Variants in ADAM19 observed in about 807,000 individuals in gnomAD.
ADAM19 encodes ADAM metallopeptidase domain 19.
In ADAM19, 65 loss-of-function variants were observed where a neutral mutation model predicts 114.7. That is an observed-to-expected ratio of 0.57 (90% CI 0.46 to 0.70). The LOEUF (loss-of-function observed/expected upper bound fraction) is 0.70. Ranked by LOEUF, ADAM19 falls within the 30% of genes least tolerant of loss-of-function variation. ADAM19 has a pLI of 0.00. For missense variants in ADAM19, 1,063 were observed against 1,204.7 expected (o/e 0.88, Z 1.74); for synonymous variants, 466 against 460.5 (o/e 1.01, Z -0.15).
At position 157,518,869 on chromosome 5, in the gene ADAM19, T is replaced by C. The variant is rs778449453; in HGVS notation, c.620A>G (p.Asn207Ser). Reference sequence around the variant, plus strand: ...GTAAAGCTCCACATACTTCATGGAGTTTAAATCTTCCCTTTTCATCTAAGA... The same window carrying C: ...GTAAAGCTCCACATACTTCATGGAGCTTAAATCTTCCCTTTTCATCTAAGA... ...RPRRMKREDL[N>S]SMKYVELYLV... The change falls in exon 7 of 23, where the codon AAC becomes AGC. Residue 207 changes from asparagine (N) to serine (S), a missense_variant. Asn to Ser is a conservative substitution (Grantham distance 46). Transcript: ENST00000257527. The C allele has an allele frequency of 1.9e-6, 3 of 1,613,916 alleles. 1 individual carries two copies. In the South Asian group the frequency reaches 3.3e-5, roughly 18 times the overall value.
Position 157,502,890 on chromosome 5 carries a change from C to T in ADAM19, c.1221G>A (p.Met407Ile). ...QSGGGMCLSN[M>I]PDTRMLYGGR... ...CTCCATACAACATCCTGGTGTCTGG[C>T]ATGTTGGAGAGACACATTCCACCAC... The change falls in exon 12 of 23, where the codon ATG (methionine) becomes ATA (isoleucine). Residue 407 changes from methionine (M) to isoleucine (I), a missense_variant. Transcript: ENST00000257527. The T allele has an allele frequency of 3.1e-6, 5 of 1,614,178 alleles. No individual in the cohort carries two copies. Among genetic ancestry groups the T allele is most frequent in the Non-Finnish European group, 4.2e-6 (5 of 1,180,016 alleles).
At chr5:157,481,060 C>T in intron 22 of ADAM19, 58 bp from the exon 23 acceptor site, 1 of 1,610,776 alleles carries the variant, frequency 6.2e-7, no homozygotes, top group Non-Finnish European at 8.5e-7. Flanking sequence ...TCAATGGGAT[C>T]AAGGGGGCAG....
intron 2 of ADAM19, among the ~76,000 whole-genome samples, chr5:157,567,457 C>T (rs1198295542): frequency 6.6e-6 from 1 of 152,160 alleles, no homozygotes; most frequent in African/African-American, 2.4e-5. Context: ...GTGCCCTGCC[C>T]AATCACACTG....
In ADAM19 at chr5:157,494,767, G is replaced by A. The variant is rs1300094009; in HGVS notation, c.1623C>T (p.Phe541=). 7.4e-6 allele frequency: 12 copies of A among 1,613,686 alleles called. No homozygotes were observed. The highest frequency in any genetic ancestry group is 2.2e-5 in the South Asian group (2 of 91,070). The change falls in exon 15 of 23, where the codon TTC becomes TTT. Residue 541 remains phenylalanine, a synonymous_variant. Coordinates refer to ENST00000257527, the MANE Select transcript of ADAM19 (RefSeq NM_033274.5). ...TGTCTCCTGCCACATTCACCTTCTC[G>A]AAGCAGAGGTCAGGGGCAGGTCGGG... is the stretch of plus-strand genomic sequence containing the variant. The part of the protein sequence containing the change: ...PGARPAPDLC[F]EKVNVAGDTF...
Position 157,527,716 on chromosome 5 carries a change from A to G in ADAM19, c.407+3091T>C, listed in dbSNP as rs142230453. Reference sequence around the variant, plus strand: ...TATCTACGTTCTTTTTTCACAAGGAATATTCCTAAAAGGATATACAAGAAA... The same window carrying G: ...TATCTACGTTCTTTTTTCACAAGGAGTATTCCTAAAAGGATATACAAGAAA... On this transcript the variant is annotated intron_variant, in intron 5 of 22. Coordinates refer to ENST00000257527, the MANE Select transcript of ADAM19 (RefSeq NM_033274.5). Among the ~76,000 whole-genome samples the G allele has an allele frequency of 2.6e-5, 4 of 152,314 alleles. No homozygotes were observed. The East Asian group carries it at 7.7e-4, about 29-fold the overall frequency.
At position 157,482,215 on chromosome 5, in the gene ADAM19, C is replaced by T. The variant is rs11466809; in HGVS notation, c.2551-272G>A. Among the ~76,000 whole-genome samples the T allele has an allele frequency of 7.2e-3, 1,103 of 152,290 alleles. 15 individuals carry two copies. The highest frequency in any genetic ancestry group is 0.025 in the African/African-American group (1,030 of 41,560). On this transcript the variant is annotated intron_variant, in intron 21 of 22. Transcript: ENST00000257527. ...ATAAATGTCTTCTTTTGAGAAGTGTCTGTTCATATCTTTCACCCACTTTTT... is the reference window on the plus strand; with the variant it reads ...ATAAATGTCTTCTTTTGAGAAGTGTTTGTTCATATCTTTCACCCACTTTTT...
At position 157,490,373 on chromosome 5, in the gene ADAM19, T is replaced by G. The variant is rs1755111269; in HGVS notation, c.2177A>C (p.Gln726Pro). Residue 726 changes from glutamine to proline, a missense_variant, in exon 19 of 23, where the codon CAG (glutamine) becomes CCG (proline). By Grantham distance (76) the Gln-to-Pro change is moderately conservative. This residue lies in a region of ADAM19 where 424 missense variants were observed against 445.5 expected (regional missense o/e 0.95). Coordinates refer to ENST00000257527, the MANE Select transcript of ADAM19 (RefSeq NM_033274.5). ...VLMLMYYCCR[Q>P]NNKLGQLKPS... ...CTTGAGTTGGCCTAGTTTGTTGTTCTGTCTGCAGCAGTAGTACATCAGCAT... is the reference window on the plus strand; with the variant it reads ...CTTGAGTTGGCCTAGTTTGTTGTTCGGTCTGCAGCAGTAGTACATCAGCAT... The G allele has an allele frequency of 1.9e-6, 3 of 1,614,166 alleles. No homozygotes were observed. Among genetic ancestry groups the G allele is most frequent in the Middle Eastern group, 1.6e-4 (1 of 6,062 alleles).
At chr5:157,533,950 G>A (rs556780594) in intron 4 of ADAM19, among the ~76,000 whole-genome samples, 65 of 151,868 alleles carry the variant, frequency 4.3e-4, no homozygotes, top group African/African-American at 1.5e-3. Context: ...CCTGGTGACC[G>A]AGCGAGACTC....
chr5:157,518,818 C>G lies in ADAM19; in HGVS notation c.666+5G>C. ...TTTCTGCAAGACCCATTGCCTCCCC[C>G]TTACCTCTAAATAATCAGCCACGAG... On this transcript the variant is annotated splice_donor_5th_base_variant and intron_variant, in intron 7 of 22. Transcript: ENST00000257527. 6.2e-7 allele frequency: 1 copy of G among 1,612,228 alleles called. No homozygotes were observed. The highest frequency in any genetic ancestry group is 8.5e-7 in the Non-Finnish European group (1 of 1,178,198).
rs79653850 is a variant in ADAM19 at position 157,536,858 on chromosome 5, C to T, written c.330+1055G>A. ...GGGACCTCTCCTGCTGTTCTCCACA[C>T]CACAACTCCCAGTCTGTGTGCCTCA... On this transcript the variant is annotated intron_variant, in intron 4 of 22. Transcript: ENST00000257527. Among the ~76,000 whole-genome samples, 957 of 152,350 alleles carry T rather than the reference C, an allele frequency of 6.3e-3. 8 individuals are homozygous for T. The highest frequency in any genetic ancestry group is 0.022 in the African/African-American group (912 of 41,574).
At chr5:157,554,737 T>A (rs896815826) in intron 3 of ADAM19, among the ~76,000 whole-genome samples, 1 of 152,246 alleles carries the variant, frequency 6.6e-6, no homozygotes, top group Non-Finnish European at 1.5e-5. Flanking sequence ...GCTCTCATAG[T>A]GCACCAGGCA....
chr5:157,514,419 C>T (rs1031066706), intron 7 of ADAM19, among the ~76,000 whole-genome samples: 24 of 151,728 alleles, frequency 1.6e-4, no homozygotes, highest in Admixed American at 5.3e-4. Flanking sequence ...CTCCGCCTCC[C>T]GGGTTCAAGC....
chr5:157,567,610 C>A (rs1308649307), intron 2 of ADAM19, among the ~76,000 whole-genome samples: 2 of 152,106 alleles, frequency 1.3e-5, no homozygotes, highest in Non-Finnish European at 2.9e-5. Context: ...CCAGCCTGAC[C>A]AACATGGAGA....
At chr5:157,501,776 C>T (rs569359799) in intron 12 of ADAM19, among the ~76,000 whole-genome samples, 8 of 149,768 alleles carry the variant, frequency 5.3e-5, no homozygotes, top group African/African-American at 9.7e-5. Flanking sequence ...AGGCAGGGTG[C>T]GGTGGCTCAC....
At chr5:157,530,721 A>T in intron 5 of ADAM19, 86 bp downstream of exon 5, 1 of 1,192,770 alleles carries the variant, frequency 8.4e-7, no homozygotes, top group Non-Finnish European at 1.2e-6. Context: ...CTCCTTCCCA[A>T]GGTCCTTGCC....
At chr5:157,492,320 A>G (rs1195078609) in intron 16 of ADAM19, among the ~76,000 whole-genome samples, 1 of 152,166 alleles carries the variant, frequency 6.6e-6, no homozygotes, top group Non-Finnish European at 1.5e-5. Context: ...GGGCCCAAAT[A>G]GGCAGCACAC....
intron 2 of ADAM19, chr5:157,569,151 C>T (rs1757751314): frequency 1.3e-5 from 2 of 152,022 alleles, no homozygotes; most frequent in Non-Finnish European, 2.9e-5. Flanking sequence ...AAGCTATTTT[C>T]AGCCTCTCCT....
rs922129572 is a variant in ADAM19 at position 157,480,231 on chromosome 5, C to T, written c.*718G>A. The T allele has an allele frequency of 7.4e-5, 73 of 986,042 alleles. No individual in the cohort carries two copies. The South Asian group carries it at 2.7e-3, about 36-fold the overall frequency. The allele number at this position is 986,042 out of a possible 1,614,324, so 61.1% of individuals were successfully genotyped here. Reference sequence around the variant, plus strand: ...AATTATCCAGAGTCAGGAGTCGCAACCTTTGGCATCACGGCTCAGAGGAAG... The same window carrying T: ...AATTATCCAGAGTCAGGAGTCGCAATCTTTGGCATCACGGCTCAGAGGAAG... On this transcript the variant is annotated 3_prime_UTR_variant, in exon 23 of 23. Coordinates refer to ENST00000257527, the MANE Select transcript of ADAM19 (RefSeq NM_033274.5).
intron 3 of ADAM19, among the ~76,000 whole-genome samples, chr5:157,540,592 C>T (rs750066090): frequency 1.3e-5 from 2 of 152,162 alleles, no homozygotes; most frequent in Non-Finnish European, 2.9e-5. Flanking sequence ...AAAACAGGGA[C>T]CTTGTGTCTT....
Sources: gnomAD v4.1 joint callset for allele counts (sites outside exome capture counted in the v4.1 genomes callset) on GRCh38, gnomAD v4.1.1 for gene constraint, gnomAD v4.1.1 regional missense constraint, MANE v1.5 for transcripts, NCBI Gene and HGNC (gene_info 2026-07-23, HGNC 2026-07-21) for gene names.